KLHDC1: variants seen among roughly 807,000 people sequenced by gnomAD.
The protein encoded by KLHDC1 is kelch domain containing 1, also known as kelch domain-containing protein 1.
Under a neutral mutation model 68.3 loss-of-function variants are expected in KLHDC1, and 53 were observed. That is an observed-to-expected ratio of 0.78 (90% confidence interval 0.62 to 0.98). KLHDC1 has a LOEUF of 0.98. Ranked by LOEUF, KLHDC1 falls within the 50% of genes least tolerant of loss-of-function variation. KLHDC1 has a pLI of 0.00. For missense variants in KLHDC1, 470 were observed against 492.3 expected, an observed-to-expected ratio of 0.95 and a Z score of 0.43; for synonymous variants, 148 against 159.0, an observed-to-expected ratio of 0.93 and a Z score of 0.52.
chr14:49,699,720 A>G (rs968402628), intron 1 of KLHDC1, among the ~76,000 whole-genome samples: 6 of 152,202 alleles, frequency 3.9e-5, no homozygotes, highest in African/African-American at 4.8e-5. Flanking sequence ...GAAGGCCATT[A>G]TATTAGTATC....
intron 3 of KLHDC1, 31 bp from the exon 4 acceptor site, chr14:49,710,232 T>C: frequency 1.8e-6 from 2 of 1,126,948 alleles, no homozygotes; most frequent in Non-Finnish European, 2.7e-6. Flanking sequence ...TTAAATGCCC[T>C]GTCTGCTAAT....
intron 1 of KLHDC1, among the ~76,000 whole-genome samples, chr14:49,702,175 A>AG (rs1887927231): frequency 6.6e-6 from 1 of 151,896 alleles, no homozygotes; most frequent in African/African-American, 2.4e-5. Flanking sequence ...TCTCAAAAAA[A>AG]AAAAAAAAAA....
At chr14:49,712,356 G>C (rs947883001) in intron 4 of KLHDC1, among the ~76,000 whole-genome samples, 62 of 152,202 alleles carry the variant, frequency 4.1e-4, no homozygotes, top group African/African-American at 1.5e-3. Flanking sequence ...CACTGTGTTG[G>C]TTGTATCTCT....
At chr14:49,701,332 A>G (rs533064227) in intron 1 of KLHDC1, among the ~76,000 whole-genome samples, 2 of 152,244 alleles carry the variant, frequency 1.3e-5, no homozygotes, top group South Asian at 2.1e-4. Flanking sequence ...GGAAAAAACT[A>G]TAATGGAAAA....
In KLHDC1 at chr14:49,740,156, A is replaced by G. The variant is rs1329201237; in HGVS notation, c.955A>G (p.Lys319Glu). The change falls in exon 11 of 13, where the codon AAA becomes GAA. Residue 319 changes from lysine (K) to glutamate (E), a missense_variant. Lys to Glu is a moderately conservative substitution (Grantham distance 56). Coordinates refer to ENST00000359332, the MANE Select transcript of KLHDC1 (RefSeq NM_172193.3). ...TGAAATAATGGTATTTGGTGGGAGC[A>G]AAGATGACTTACTTGCCTTGGATAC... ...ENEIMVFGGS[K>E]DDLLALDTGH... The G allele has an allele frequency of 8.1e-6, 13 of 1,610,008 alleles. No homozygotes were observed. In the Admixed American group the frequency reaches 2.2e-4, roughly 27 times the overall value.
At chr14:49,696,039 C>T (rs969469072) in intron 1 of KLHDC1, among the ~76,000 whole-genome samples, 1 of 150,570 alleles carries the variant, frequency 6.6e-6, no homozygotes, top group Non-Finnish European at 1.5e-5. Context: ...GCCCTCCAGC[C>T]TGGGCGACAG....
At chr14:49,750,977 T>C (rs1314737478) in intron 12 of KLHDC1, 1 of 152,174 alleles carries the variant, frequency 6.6e-6, no homozygotes, top group Non-Finnish European at 1.5e-5. Context: ...ATGGAGCAGA[T>C]ATAAAAATAG....
In KLHDC1 at chr14:49,729,483, C is replaced by T. The variant is rs754649077; in HGVS notation, c.652-7C>T. 6.2e-7 allele frequency: 1 copy of T among 1,602,214 alleles called. No homozygotes were observed. Among genetic ancestry groups the T allele is most frequent in the Admixed American group, 1.7e-5 (1 of 59,886 alleles). ...ATACTGACCAATGTAACACACTTTT[C>T]TTTTAGCAAACTAGGATGAATGATT... On this transcript the variant is annotated splice_polypyrimidine_tract_variant and splice_region_variant and intron_variant, in intron 7 of 12. Coordinates refer to ENST00000359332, the MANE Select transcript of KLHDC1 (RefSeq NM_172193.3).
chr14:49,694,404 A>G (rs1361546560), intron 1 of KLHDC1, among the ~76,000 whole-genome samples: 3 of 152,132 alleles, frequency 2.0e-5, no homozygotes, highest in African/African-American at 7.2e-5. Context: ...TATTGAAATG[A>G]CCAACATACA....
chr14:49,723,268 C>T (rs375993578), intron 4 of KLHDC1, among the ~76,000 whole-genome samples: 46 of 151,690 alleles, frequency 3.0e-4, no homozygotes, highest in African/African-American at 1.0e-3. Context: ...CAAACCATAT[C>T]GCGCCTGTAA....
intron 1 of KLHDC1, among the ~76,000 whole-genome samples, chr14:49,706,936 C>T (rs1393623668): frequency 3.3e-5 from 5 of 149,604 alleles, no homozygotes; most frequent in Admixed American, 2.7e-4. Context: ...TGTAGGTTGT[C>T]ATTTCATTTT....
chr14:49,699,866 G>A (rs1421190153), intron 1 of KLHDC1, among the ~76,000 whole-genome samples: 1 of 152,106 alleles, frequency 6.6e-6, no homozygotes, highest in Non-Finnish European at 1.5e-5. Context: ...AGACTTTGGT[G>A]CTACTGCAAG....
At chr14:49,738,762 G>A (rs560714709) in intron 10 of KLHDC1, among the ~76,000 whole-genome samples, 4 of 152,340 alleles carry the variant, frequency 2.6e-5, no homozygotes, top group African/African-American at 9.6e-5. Flanking sequence ...ATGGTGTGCT[G>A]TTAATGGCCA....
At chr14:49,746,947 T>C (rs1594685705) in intron 12 of KLHDC1, among the ~76,000 whole-genome samples, 1 of 149,422 alleles carries the variant, frequency 6.7e-6, no homozygotes, top group Non-Finnish European at 1.5e-5. Context: ...TTTAGCTTTC[T>C]CTCTTTTTTT....
At chr14:49,701,669 A>C (rs2139730338) in intron 1 of KLHDC1, among the ~76,000 whole-genome samples, 1 of 152,216 alleles carries the variant, frequency 6.6e-6, no homozygotes, top group South Asian at 2.1e-4. Context: ...CAAAAAAACA[A>C]AAACAAAAAA....
chr14:49,726,091 AC>A (rs972602102), intron 6 of KLHDC1, among the ~76,000 whole-genome samples: 1 of 152,096 alleles, frequency 6.6e-6, no homozygotes, highest in African/African-American at 2.4e-5. Context: ...CAAGTTATCT[AC>A]CCACCTTAGC....
At chr14:49,720,019 C>G (rs1290485039) in intron 4 of KLHDC1, among the ~76,000 whole-genome samples, 1 of 149,328 alleles carries the variant, frequency 6.7e-6, no homozygotes, top group African/African-American at 2.5e-5. Flanking sequence ...CAGTGTCTCG[C>G]TCTGTTGCCC....
chr14:49,709,507 T>C (rs551250796), intron 2 of KLHDC1, among the ~76,000 whole-genome samples: 1 of 152,266 alleles, frequency 6.6e-6, no homozygotes, highest in African/African-American at 2.4e-5. Context: ...TGTGAAATTT[T>C]TGTGATTTTT....
chr14:49,727,771 C>G (rs1444538635), intron 6 of KLHDC1, among the ~76,000 whole-genome samples: 1 of 152,148 alleles, frequency 6.6e-6, no homozygotes, highest in Non-Finnish European at 1.5e-5. Context: ...TGAATTATGT[C>G]TTACCAAGTT....
Sources: allele counts gnomAD v4.1 joint callset (sites outside exome capture counted in the v4.1 genomes callset), GRCh38; gene constraint gnomAD v4.1.1; transcripts MANE v1.5; gene names NCBI Gene and HGNC (gene_info 2026-07-23, HGNC 2026-07-21).